Variants in FAM135B observed in about 807,000 individuals in gnomAD.
FAM135B encodes the protein family with sequence similarity 135 member B, also known as protein FAM135B.
In FAM135B, 43 loss-of-function variants were observed where a neutral mutation model predicts 127.7. The observed-to-expected ratio is 0.34, with a 90% CI of 0.26 to 0.43. FAM135B has a LOEUF of 0.43. Ranked by LOEUF, FAM135B falls within the 20% of genes least tolerant of loss-of-function variation. The pLI, the probability that FAM135B is intolerant of heterozygous loss-of-function variation, is 1.00. For missense variants in FAM135B, 1,558 were observed against 1,725.6 expected (o/e 0.90, Z 1.72); for synonymous variants, 670 against 665.1 (o/e 1.01, Z -0.11).
At chr8:138,387,534 C>T (rs1832291627) in intron 1 of FAM135B, among the ~76,000 whole-genome samples, 1 of 152,160 alleles carries the variant, frequency 6.6e-6, no homozygotes, top group South Asian at 2.1e-4. Flanking sequence ...GAATCCAGAA[C>T]CTCACATTCT....
intron 1 of FAM135B, chr8:138,450,503 G>A (rs1461077725): frequency 6.6e-6 from 1 of 152,164 alleles, no homozygotes; most frequent in Non-Finnish European, 1.5e-5. Flanking sequence ...ACCCTTGCCA[G>A]CATTTGGTGG....
chr8:138,212,616 T>C (rs1818228856), intron 7 of FAM135B, among the ~76,000 whole-genome samples: 1 of 152,332 alleles, frequency 6.6e-6, no homozygotes, highest in Non-Finnish European at 1.5e-5. Context: ...AGTCAACACA[T>C]CATTCCAGTG....
intron 5 of FAM135B, among the ~76,000 whole-genome samples, chr8:138,255,293 T>A (rs1821991844): frequency 6.6e-6 from 1 of 152,154 alleles, no homozygotes; most frequent in African/African-American, 2.4e-5. Flanking sequence ...GAAACATTTG[T>A]TGGAGAGGTT....
chr8:138,257,878 T>TA lies in FAM135B; in HGVS notation c.298-1120dup, dbSNP rs1272255688. Among the ~76,000 whole-genome samples the TA allele has an allele frequency of 2.1e-3, 163 of 78,362 alleles. 1 individual carries two copies. Among genetic ancestry groups the TA allele is most frequent in the African/African-American group, 8.7e-3 (140 of 16,048 alleles). 51.4% of individuals were successfully genotyped at this position (78,362 alleles called of 152,430 possible). On this transcript the variant is annotated intron_variant, in intron 4 of 19. Coordinates refer to ENST00000395297, the MANE Select transcript of FAM135B (RefSeq NM_015912.4). ...ACGGGTTTTCAGCTTCTACAAAAAA[T>TA]AAAAAATAAAAAAAAAAATAAAACA... is the stretch of plus-strand genomic sequence containing the variant.
intron 12 of FAM135B, among the ~76,000 whole-genome samples, chr8:138,166,421 T>C (rs773539378): frequency 6.6e-6 from 1 of 152,210 alleles, no homozygotes; most frequent in Non-Finnish European, 1.5e-5. Flanking sequence ...TGGATACATA[T>C]ACACAAACAA....
At chr8:138,365,390 A>C (rs1198959473) in intron 2 of FAM135B, among the ~76,000 whole-genome samples, 1 of 152,166 alleles carries the variant, frequency 6.6e-6, no homozygotes, top group African/African-American at 2.4e-5. Context: ...TGTTATTTTG[A>C]AATATTTTGT....
chr8:138,148,197 C>T (rs1817811969), intron 14 of FAM135B, among the ~76,000 whole-genome samples: 1 of 152,162 alleles, frequency 6.6e-6, no homozygotes, highest in Admixed American at 6.6e-5. Flanking sequence ...TTAATTCATT[C>T]ACTCCATTCT....
chr8:138,397,970 T>C (rs978475156), intron 1 of FAM135B, among the ~76,000 whole-genome samples: 2 of 152,132 alleles, frequency 1.3e-5, no homozygotes, highest in African/African-American at 4.8e-5. Context: ...TGTCAGAAAG[T>C]GCACCCCAGC....
intron 2 of FAM135B, among the ~76,000 whole-genome samples, chr8:138,350,310 A>G (rs540519259): frequency 6.6e-6 from 1 of 152,316 alleles, no homozygotes; most frequent in East Asian, 1.9e-4. Context: ...CCGTTATTCA[A>G]AAGGAGGCCA....
intron 9 of FAM135B, among the ~76,000 whole-genome samples, chr8:138,190,736 T>C (rs1038546736): frequency 1.3e-5 from 2 of 152,210 alleles, no homozygotes; most frequent in Admixed American, 6.5e-5. Context: ...AAGACCTTCA[T>C]CTGCGTAATA....
At position 138,132,128 on chromosome 8, in the gene FAM135B, A is replaced by G. The variant is rs1179143974; in HGVS notation, c.*465T>C. ...ACTGACACATTTGAATCTATTGAGG[A>G]TTCTATTTACACAAATATGTTCCAC... On this transcript the variant is annotated 3_prime_UTR_variant, in exon 20 of 20. Coordinates refer to ENST00000395297, the MANE Select transcript of FAM135B (RefSeq NM_015912.4). The surrounding 1 kb of genome is among the most constrained non-coding windows in gnomAD (Gnocchi z 4.5). 1 of 159,830 alleles carries G rather than the reference A, an allele frequency of 6.3e-6. No homozygotes were observed. The highest frequency in any genetic ancestry group is 1.8e-4 in the East Asian group (1 of 5,416). The allele number at this position is 159,830 out of a possible 1,614,324, so 9.9% of individuals were successfully genotyped here.
chr8:138,328,839 CA>C (rs1313190161), intron 2 of FAM135B, among the ~76,000 whole-genome samples: 1 of 152,100 alleles, frequency 6.6e-6, no homozygotes, highest in Non-Finnish European at 1.5e-5. Flanking sequence ...GTGAGGGAGA[CA>C]TACAAAAGTT....
intron 10 of FAM135B, among the ~76,000 whole-genome samples, chr8:138,177,782 A>C (rs1160964490): frequency 6.6e-6 from 1 of 152,234 alleles, no homozygotes. Context: ...AAACCCAGTC[A>C]TGTATGTTCT....
chr8:138,277,439 C>T (rs1020943532), intron 3 of FAM135B, among the ~76,000 whole-genome samples: 6 of 152,172 alleles, frequency 3.9e-5, no homozygotes, highest in African/African-American at 1.4e-4. Context: ...TGATGGGTCA[C>T]CTTGACTCAG....
intron 1 of FAM135B, among the ~76,000 whole-genome samples, chr8:138,470,531 G>GA (rs1235490816): frequency 2.0e-5 from 3 of 152,070 alleles, no homozygotes; most frequent in African/African-American, 7.2e-5. Context: ...GATGTGTCTG[G>GA]AAAAAAGCTT....
At chr8:138,181,148 G>A (rs1394688828) in intron 9 of FAM135B, among the ~76,000 whole-genome samples, 1 of 152,128 alleles carries the variant, frequency 6.6e-6, no homozygotes, top group Non-Finnish European at 1.5e-5. Flanking sequence ...GGCTGAGGCA[G>A]GAGAATTGCT....
chr8:138,168,074 C>A (rs377043148), intron 11 of FAM135B, 25 bp from the exon 12 acceptor site: 2 of 1,595,062 alleles, frequency 1.3e-6, no homozygotes, highest in Middle Eastern at 1.7e-4. Context: ...GCAGGGTGAG[C>A]GTCCAGGGAA....
chr8:138,146,614 G>A (rs369481336), intron 14 of FAM135B, among the ~76,000 whole-genome samples: 4 of 152,072 alleles, frequency 2.6e-5, no homozygotes, highest in Non-Finnish European at 5.9e-5. Flanking sequence ...AGTGGCCATC[G>A]GGGCAGAGGA....
chr8:138,157,687 C>T (rs79452501), intron 12 of FAM135B, among the ~76,000 whole-genome samples: 17,346 of 152,194 alleles, frequency 0.11, 1,113 homozygotes, highest in Middle Eastern at 0.21. Flanking sequence ...TGAGTGAACT[C>T]CCATTCACAA....
Sources: allele counts gnomAD v4.1 joint callset (sites outside exome capture counted in the v4.1 genomes callset), GRCh38; gene constraint gnomAD v4.1.1; non-coding constraint Gnocchi (gnomAD v3.1); transcripts MANE v1.5; gene names NCBI Gene and HGNC (gene_info 2026-07-23, HGNC 2026-07-21).